The following FAM185A variants were observed in gnomAD, a reference collection of about 807,000 sequenced individuals.
FAM185A encodes the protein family with sequence similarity 185 member A.
Under a neutral mutation model 45.7 loss-of-function variants are expected in FAM185A, and 21 were observed. That is an observed-to-expected ratio of 0.46 (90% CI 0.33 to 0.66). The LOEUF is 0.66. Among genes scored for constraint, FAM185A ranks in the 30% least tolerant of loss-of-function variants. FAM185A has a pLI of 0.03. For synonymous variants in FAM185A, 117 were observed against 194.0 expected, an observed-to-expected ratio of 0.60 and a Z score of 3.30; for missense variants, 305 against 485.4, an observed-to-expected ratio of 0.63 and a Z score of 3.49.
chr7:102,812,322 A>G (rs1584385536), downstream of FAM185A, among the ~76,000 whole-genome samples: 1 of 152,248 alleles, frequency 6.6e-6, no homozygotes. Flanking sequence ...ACTTCCTAGC[A>G]TAAAATTGAG....
the FAM185A span, among the ~76,000 whole-genome samples, chr7:102,838,302 G>C: frequency 6.6e-6 from 1 of 152,136 alleles, no homozygotes; most frequent in Non-Finnish European, 1.5e-5. Context: ...TTGTTGGGGA[G>C]ATTAAATGAG....
Position 102,796,888 on chromosome 7 carries a change from C to T in FAM185A, c.1066+9419C>T, listed in dbSNP as rs569557871. On this transcript the variant is annotated intron_variant, in intron 7 of 7. Transcript: ENST00000413034. The stretch of plus-strand genomic sequence containing the variant: ...TTTCTATAAATGAAAACTACAGTGT[C>T]TGAGATGAAAAATACAATGGATGAG... Among the ~76,000 whole-genome samples the T allele has an allele frequency of 1.2e-4, 19 of 152,204 alleles. No individual in the cohort carries two copies. In the South Asian group the frequency reaches 2.5e-3, roughly 20 times the overall value.
chr7:102,758,790 A>G (rs1187447904), intron 3 of FAM185A, among the ~76,000 whole-genome samples: 2 of 152,018 alleles, frequency 1.3e-5, no homozygotes, highest in East Asian at 1.9e-4. Context: ...AAGATAGACT[A>G]TAACAGTAAT....
At chr7:102,750,905 G>A (rs112236960) in intron 1 of FAM185A, among the ~76,000 whole-genome samples, 1 of 151,988 alleles carries the variant, frequency 6.6e-6, no homozygotes, top group Admixed American at 6.6e-5. Flanking sequence ...GGGGTTTTTT[G>A]TTTGTTTGTT....
At chr7:102,755,291 G>T in intron 2 of FAM185A, 1 of 544,864 alleles carries the variant, frequency 1.8e-6, no homozygotes, top group Non-Finnish European at 3.2e-6. Context: ...CAGCCCAAAA[G>T]AGACCTCACC....
chr7:102,823,359 C>G, the FAM185A span, among the ~76,000 whole-genome samples: 1 of 152,102 alleles, frequency 6.6e-6, no homozygotes, highest in Non-Finnish European at 1.5e-5. Context: ...GAGAAGGGAC[C>G]TGGACATCAC....
chr7:102,782,786 A>C (rs567402510), intron 6 of FAM185A, among the ~76,000 whole-genome samples: 128 of 152,280 alleles, frequency 8.4e-4, no homozygotes, highest in African/African-American at 2.5e-3. Context: ...ACAGGATCAA[A>C]TTCACACATA....
At chr7:102,786,576 G>A (rs1432172796) in intron 6 of FAM185A, among the ~76,000 whole-genome samples, 5 of 152,048 alleles carry the variant, frequency 3.3e-5, no homozygotes, top group African/African-American at 1.2e-4. Flanking sequence ...ACTATCGCAA[G>A]GACAAAAAAC....
chr7:102,836,345 A>T, the FAM185A span, among the ~76,000 whole-genome samples: 20 of 152,344 alleles, frequency 1.3e-4, no homozygotes, highest in Middle Eastern at 3.4e-3. Context: ...CCTCTCTTAG[A>T]ATTCGTGTTT....
rs1198677194 is a variant in FAM185A, at chr7:102,776,116, A to ACATATACACACACACACACACAC, written c.836-1137_836-1136insCATATACACACACACACACACAC. ...GGCTCCTATACACACACACACACACAAATGTTTTCTCTCTCTGTTTTGTAA... is the reference window on the plus strand; with the variant it reads ...GGCTCCTATACACACACACACACACACATATACACACACACACACACACAATGTTTTCTCTCTCTGTTTTGTAA... On this transcript the variant is annotated intron_variant, in intron 5 of 7. Transcript: ENST00000413034. Among the ~76,000 whole-genome samples the ACATATACACACACACACACACAC allele has an allele frequency of 1.3e-3, 159 of 126,444 alleles. 2 individuals are homozygous for ACATATACACACACACACACACAC. The highest frequency in any genetic ancestry group is 1.8e-3 in the African/African-American group (50 of 27,048). The allele number at this position is 126,444 out of a possible 152,430, so 83.0% of individuals were successfully genotyped here. A position where few individuals can be genotyped will look rare whatever the true frequency, so the allele number is the denominator to read the frequency against.
At chr7:102,834,530 A>G in the FAM185A span, 1 of 150,652 alleles carries the variant, frequency 6.6e-6, no homozygotes, top group East Asian at 1.9e-4. Flanking sequence ...GATTTTATAT[A>G]CTGTGTTAGT....
chr7:102,761,876 C>A (rs1190060632), intron 4 of FAM185A, among the ~76,000 whole-genome samples: 2 of 152,106 alleles, frequency 1.3e-5, no homozygotes, highest in African/African-American at 2.4e-5. Context: ...GTTGCCCAGG[C>A]TGATCTCAAA....
chr7:102,834,765 C>T, the FAM185A span: 1 of 151,740 alleles, frequency 6.6e-6, no homozygotes. Flanking sequence ...TAGTTAGTAA[C>T]GATGTATTGT....
the FAM185A span, among the ~76,000 whole-genome samples, chr7:102,820,624 TA>T: frequency 6.6e-6 from 1 of 152,200 alleles, no homozygotes; most frequent in African/African-American, 2.4e-5. Flanking sequence ...TGTGTTGCCA[TA>T]ACAGACTACT....
intron 7 of FAM185A, among the ~76,000 whole-genome samples, chr7:102,798,373 A>AAGAT (rs1484426233): frequency 6.6e-6 from 1 of 152,232 alleles, no homozygotes; most frequent in Non-Finnish European, 1.5e-5. Flanking sequence ...ACTTATTGGC[A>AAGAT]AGATAGAGAA....
downstream of FAM185A, among the ~76,000 whole-genome samples, chr7:102,809,928 C>T (rs1209531256): frequency 6.6e-6 from 1 of 152,074 alleles, no homozygotes; most frequent in African/African-American, 2.4e-5. Flanking sequence ...TGAGTTCTTG[C>T]AAGATCTGAC....
chr7:102,766,072 T>C (rs1794374585), intron 4 of FAM185A, among the ~76,000 whole-genome samples: 1 of 152,240 alleles, frequency 6.6e-6, no homozygotes, highest in Admixed American at 6.5e-5. Flanking sequence ...AAATATGGTT[T>C]TTCTGACTCT....
downstream of FAM185A, chr7:102,813,678 A>G: frequency 1.3e-6 from 1 of 767,208 alleles, no homozygotes; most frequent in Non-Finnish European, 2.1e-6. Context: ...GAGTGAGGAT[A>G]TGGGTAAGTG....
intron 6 of FAM185A, among the ~76,000 whole-genome samples, chr7:102,784,144 A>T (rs574669837): frequency 0.062 from 9,486 of 152,130 alleles, 345 homozygotes; most frequent in South Asian, 0.16. Context: ...GAAGAAGTTG[A>T]ATCTCTGAAT....
Sources: gnomAD v4.1 joint callset for allele counts (sites outside exome capture counted in the v4.1 genomes callset) on GRCh38, gnomAD v4.1.1 for gene constraint, MANE v1.5 for transcripts, NCBI Gene and HGNC (gene_info 2026-07-23, HGNC 2026-07-21) for gene names.